AHCYL2: variants seen among roughly 807,000 people sequenced by gnomAD.
The protein encoded by AHCYL2 is adenosylhomocysteinase like 2, also known as S-adenosylhomocysteine hydrolase-like protein 2.
AHCYL2 carries 28 observed loss-of-function variants against 81.4 expected under a neutral mutation model. That is an observed-to-expected ratio of 0.34 (90% confidence interval 0.25 to 0.47). The LOEUF (loss-of-function observed/expected upper bound fraction) is 0.47. Among genes scored for constraint, AHCYL2 ranks in the 20% least tolerant of loss-of-function variants. The probability of loss-of-function intolerance (pLI) is 1.00; values close to 1 mark genes in which losing one functional copy is unlikely to be tolerated. For missense variants in AHCYL2, 551 were observed against 785.1 expected, an observed-to-expected ratio of 0.70 and a Z score of 3.56; for synonymous variants, 272 against 290.2, an observed-to-expected ratio of 0.94 and a Z score of 0.64.
chr7:129,406,565 C>CTAA lies in AHCYL2; in HGVS notation c.1295+99_1295+100insTAA. On this transcript the variant is annotated intron_variant, in intron 10 of 16. Transcript: ENST00000325006. The surrounding 1 kb of genome is among the most constrained non-coding windows in gnomAD (Gnocchi z 4.3). The stretch of plus-strand genomic sequence containing the variant: ...TTTATTTTAGAGGAGCCCAGATCCT[C>CTAA]AGAGATGCTGCCACTAACTCTAAGC... 3.5e-6 allele frequency: 4 copies of CTAA among 1,131,026 alleles called. No individual in the cohort carries two copies. Among genetic ancestry groups the CTAA allele is most frequent in the Non-Finnish European group, 5.3e-6 (4 of 747,730 alleles). The allele number at this position is 1,131,026 out of a possible 1,614,324, so 70.1% of individuals were successfully genotyped here. A position where few individuals can be genotyped will look rare whatever the true frequency, so the allele number is the denominator to read the frequency against.
chr7:129,375,604 A>G lies in AHCYL2; in HGVS notation c.364-4034A>G, dbSNP rs1323131903. ...GGATCCATGTAATTAGGTGTTTAGG[A>G]AAAAAACAAGTAAAAGCAAAACAGC... On this transcript the variant is annotated intron_variant, in intron 1 of 16. Transcript: ENST00000325006. The G allele has an allele frequency of 6.1e-6, 8 of 1,315,968 alleles. No homozygotes were observed. The East Asian group carries it at 1.5e-4, about 25-fold the overall frequency. The allele number at this position is 1,315,968 out of a possible 1,614,324, so 81.5% of individuals were successfully genotyped here.
intron 1 of AHCYL2, among the ~76,000 whole-genome samples, chr7:129,350,190 G>A (rs753427121): frequency 4.6e-5 from 7 of 152,106 alleles, no homozygotes; most frequent in Admixed American, 6.6e-5. Flanking sequence ...GAGGTACCTG[G>A]ATTCAGGTTT....
intron 1 of AHCYL2, among the ~76,000 whole-genome samples, chr7:129,282,235 G>A (rs1796470822): frequency 6.6e-6 from 1 of 151,782 alleles, no homozygotes; most frequent in Admixed American, 6.6e-5. Flanking sequence ...TGTTCTTATG[G>A]TTCATTTAGC....
intron 1 of AHCYL2, among the ~76,000 whole-genome samples, chr7:129,279,234 GTGTT>G (rs201713217): frequency 0.024 from 3,675 of 151,418 alleles, 73 homozygotes; most frequent in Admixed American, 0.057. Flanking sequence ...TCTCTCAGAA[GTGTT>G]TGGTAGTTTT....
rs942792623 is a variant in AHCYL2 at position 129,426,673 on chromosome 7, T to G, written c.1829+110T>G. The G allele has an allele frequency of 2.8e-6, 4 of 1,435,738 alleles. 1 individual carries two copies. The highest frequency in any genetic ancestry group is 2.5e-5 in the Admixed American group (1 of 40,602). 88.9% of individuals were successfully genotyped at this position (1,435,738 alleles called of 1,614,324 possible). ...ATATGCTTACATGAACTCAGAAAAA[T>G]GAACCCACTTCCCCTCACTGCCACC... is the stretch of plus-strand genomic sequence containing the variant. On this transcript the variant is annotated intron_variant, in intron 16 of 16. Coordinates refer to ENST00000325006, the MANE Select transcript of AHCYL2 (RefSeq NM_015328.4). This position sits in a 1 kb window ranked among gnomAD's most constrained non-coding sequence, Gnocchi z 4.3.
intron 4 of AHCYL2, among the ~76,000 whole-genome samples, chr7:129,395,853 C>T (rs903579770): frequency 6.6e-6 from 1 of 152,174 alleles, no homozygotes; most frequent in African/African-American, 2.4e-5. Flanking sequence ...CACACTTTCC[C>T]ACACCCAGCC....
At chr7:129,302,933 G>A (rs1462219747) in intron 1 of AHCYL2, among the ~76,000 whole-genome samples, 1 of 152,042 alleles carries the variant, frequency 6.6e-6, no homozygotes, top group African/African-American at 2.4e-5. Context: ...ATTGGTGTTA[G>A]TTCTTCTTTA....
chr7:129,245,432 C>T (rs2150695389), intron 1 of AHCYL2, among the ~76,000 whole-genome samples: 1 of 152,266 alleles, frequency 6.6e-6, no homozygotes, highest in Admixed American at 6.5e-5. Context: ...GTTGTGCAAC[C>T]ATCACTACTA....
At chr7:129,348,168 A>G (rs1438324501) in intron 1 of AHCYL2, among the ~76,000 whole-genome samples, 1 of 152,210 alleles carries the variant, frequency 6.6e-6, no homozygotes, top group Non-Finnish European at 1.5e-5. Context: ...TATCATGGTG[A>G]TAAACAAATA....
intron 5 of AHCYL2, among the ~76,000 whole-genome samples, chr7:129,400,016 G>A (rs138419225): frequency 0.012 from 1,893 of 152,100 alleles, 22 homozygotes; most frequent in Non-Finnish European, 0.018. Flanking sequence ...GTGAGCCACC[G>A]CACCTGGCCC....
rs1416270663 is a variant in AHCYL2 at position 129,428,935 on chromosome 7, T to G, written c.*1890T>G. The G allele has an allele frequency of 6.6e-6, 1 of 152,224 alleles. No homozygotes were observed. The highest frequency in any genetic ancestry group is 1.5e-5 in the Non-Finnish European group (1 of 68,044). 9.4% of individuals were successfully genotyped at this position (152,224 alleles called of 1,614,324 possible). ...CCTTTTGCCTACCTAGTCCTGATTTTTGTATTAATTGGTTCCCTTTAGCAA... is the reference window on the plus strand; with the variant it reads ...CCTTTTGCCTACCTAGTCCTGATTTGTGTATTAATTGGTTCCCTTTAGCAA... On this transcript the variant is annotated 3_prime_UTR_variant, in exon 17 of 17. Transcript: ENST00000325006.
At chr7:129,290,319 G>C (rs1002703112) in intron 1 of AHCYL2, among the ~76,000 whole-genome samples, 1 of 151,478 alleles carries the variant, frequency 6.6e-6, no homozygotes, top group African/African-American at 2.4e-5. Context: ...TGGCCAACAT[G>C]GTGAAACCCT....
At chr7:129,403,714 A>G (rs1247884209) in intron 7 of AHCYL2, among the ~76,000 whole-genome samples, 1 of 151,736 alleles carries the variant, frequency 6.6e-6, no homozygotes, top group Non-Finnish European at 1.5e-5. Flanking sequence ...ATACAAAAAA[A>G]TTAGCCTGGT....
chr7:129,254,342 C>T (rs572734408), intron 1 of AHCYL2, among the ~76,000 whole-genome samples: 3 of 152,278 alleles, frequency 2.0e-5, no homozygotes, highest in South Asian at 2.1e-4. Flanking sequence ...CCTACAACAA[C>T]ATAATTTTAC....
At chr7:129,398,230 C>CA (rs1331549459) in intron 5 of AHCYL2, among the ~76,000 whole-genome samples, 1 of 150,738 alleles carries the variant, frequency 6.6e-6, no homozygotes, top group African/African-American at 2.4e-5. Flanking sequence ...AGGCTGGTCT[C>CA]AAACAGCCAG....
At chr7:129,251,117 C>T (rs185499231) in intron 1 of AHCYL2, among the ~76,000 whole-genome samples, 108 of 152,266 alleles carry the variant, frequency 7.1e-4, no homozygotes, top group African/African-American at 2.4e-3. Context: ...ACAGTCCAAA[C>T]CTGTTGTTTC....
chr7:129,245,446 A>G (rs1250728919), intron 1 of AHCYL2, among the ~76,000 whole-genome samples: 1 of 152,140 alleles, frequency 6.6e-6, no homozygotes, highest in Non-Finnish European at 1.5e-5. Context: ...ACTACTACTC[A>G]TCTTCTGAAG....
chr7:129,415,310 T>C (rs1329033432), intron 12 of AHCYL2, among the ~76,000 whole-genome samples: 2 of 152,110 alleles, frequency 1.3e-5, no homozygotes, highest in Non-Finnish European at 2.9e-5. Flanking sequence ...TAATGGGAAA[T>C]CTTCAGAGGA....
intron 1 of AHCYL2, among the ~76,000 whole-genome samples, chr7:129,263,902 T>A (rs1323494656): frequency 6.6e-6 from 1 of 152,136 alleles, no homozygotes; most frequent in East Asian, 1.9e-4. Flanking sequence ...CTGGCTATTG[T>A]GGGGAGAAAT....
Sources: allele counts gnomAD v4.1 joint callset (sites outside exome capture counted in the v4.1 genomes callset), GRCh38; gene constraint gnomAD v4.1.1; non-coding constraint Gnocchi (gnomAD v3.1); transcripts MANE v1.5; gene names NCBI Gene and HGNC (gene_info 2026-07-23, HGNC 2026-07-21).